Variants in AKR1C3 observed in about 807,000 individuals in gnomAD.
AKR1C3 encodes the protein 3-alpha hydroxysteroid dehydrogenase, type II.
Under a neutral mutation model 43.6 loss-of-function variants are expected in AKR1C3, and 48 were observed. The observed-to-expected ratio is 1.10, with a 90% CI of 0.87 to 1.40. The LOEUF (loss-of-function observed/expected upper bound fraction) is 1.40, where lower values mean the gene tolerates loss of function less well. Ranked by LOEUF, AKR1C3 falls within the 40% of genes most tolerant of loss-of-function variation. AKR1C3 has a pLI of 0.00. For synonymous variants in AKR1C3, 162 were observed against 139.6 expected, an observed-to-expected ratio of 1.16 and a Z score of -1.13; for missense variants, 482 against 391.2, an observed-to-expected ratio of 1.23 and a Z score of -1.96.
Position 5,099,432 on chromosome 10 carries a change from A to C in AKR1C3, c.553A>C (p.Lys185Gln). The C allele has an allele frequency of 6.2e-7, 1 of 1,614,176 alleles. No individual in the cohort carries two copies. The highest frequency in any genetic ancestry group is 8.5e-7 in the Non-Finnish European group (1 of 1,180,030). Residue 185 changes from lysine to glutamine, a missense_variant, in exon 5 of 9, where the codon AAG becomes CAG. Transcript: ENST00000380554. ...MILNKPGLKY[K>Q]PVCNQVECHP... ...CCTCAACAAGCCAGGACTCAAGTAC[A>C]AGCCTGTCTGCAACCAGGTGAGCTC...
chr10:5,092,005 C>A (rs1393205665), upstream of AKR1C3, among the ~76,000 whole-genome samples: 7 of 151,992 alleles, frequency 4.6e-5, no homozygotes. Context: ...ACTCTTGCAG[C>A]TTTTATCTCA....
intron 1 of AKR1C3, among the ~76,000 whole-genome samples, chr10:5,079,403 G>T (rs1838782277): frequency 6.6e-6 from 1 of 152,190 alleles, no homozygotes; most frequent in South Asian, 2.1e-4. Flanking sequence ...GCCCTGAAAA[G>T]CTTTCTTCTC....
intron 1 of AKR1C3, among the ~76,000 whole-genome samples, chr10:5,088,573 T>C (rs11252931): frequency 0.3 from 45,642 of 151,448 alleles, 7,482 homozygotes; most frequent in Non-Finnish European, 0.36. Flanking sequence ...TATAATATAA[T>C]GCTCTTCTCT....
intron 1 of AKR1C3, among the ~76,000 whole-genome samples, chr10:5,054,697 C>G (rs1319184181): frequency 6.6e-6 from 1 of 152,026 alleles, no homozygotes; most frequent in Non-Finnish European, 1.5e-5. Flanking sequence ...TTCTCTCTGA[C>G]TCCTTCTCTT....
intron 7 of AKR1C3, among the ~76,000 whole-genome samples, chr10:5,103,184 G>A (rs1466717486): frequency 2.6e-5 from 4 of 152,076 alleles, no homozygotes; most frequent in Admixed American, 6.6e-5. Flanking sequence ...CACCGCTCCT[G>A]GCCTCCTCTT....
At chr10:5,096,331 G>T (rs1221927053) in intron 1 of AKR1C3, 79 bp from the exon 2 acceptor site, 2 of 1,512,716 alleles carry the variant, frequency 1.3e-6, no homozygotes, top group Non-Finnish European at 1.8e-6. Flanking sequence ...GCTGATTCTT[G>T]TATAAAAGTC....
At chr10:5,083,404 A>G (rs143024295) in intron 1 of AKR1C3, among the ~76,000 whole-genome samples, 2,786 of 152,254 alleles carry the variant, frequency 0.018, 83 homozygotes, top group African/African-American at 0.063. Flanking sequence ...AAAGGGCATG[A>G]ACTCATCATT....
chr10:5,053,145 G>A lies in AKR1C3; in HGVS notation c.84+4250G>A, dbSNP rs540397778. Among the ~76,000 whole-genome samples, 344 of 152,336 alleles carry A rather than the reference G, an allele frequency of 2.3e-3. 3 individuals carry two copies. Among genetic ancestry groups the A allele is most frequent in the African/African-American group, 7.9e-3 (330 of 41,574 alleles). On this transcript the variant is annotated intron_variant, in intron 1 of 8. Coordinates refer to the AKR1C3 transcript ENST00000439082. ...CCTGCCAGTCCCGTGCCATGCGCCC[G>A]CACTCCTCAGCACTTGGGTGGTTGA... is the stretch of plus-strand genomic sequence containing the variant.
At chr10:5,104,523 TCTAA>T (rs1394749222) in intron 7 of AKR1C3, among the ~76,000 whole-genome samples, 10 of 139,816 alleles carry the variant, frequency 7.2e-5, no homozygotes, top group Admixed American at 2.1e-4. Flanking sequence ...CAACTTTTTT[TCTAA>T]CTCTTTATTT....
upstream of AKR1C3, among the ~76,000 whole-genome samples, chr10:5,092,319 A>C (rs1937847): frequency 0.87 from 132,416 of 151,924 alleles, 57,960 homozygotes; most frequent in African/African-American, 0.96. Context: ...TATTTAGATT[A>C]ATGTCTGTTG....
At chr10:5,085,032 A>G (rs1554782854) in intron 1 of AKR1C3, among the ~76,000 whole-genome samples, 1 of 152,182 alleles carries the variant, frequency 6.6e-6, no homozygotes, top group African/African-American at 2.4e-5. Flanking sequence ...AACAGGGACA[A>G]TTTGACTTCT....
chr10:5,104,674 C>T (rs1839454240), intron 7 of AKR1C3, among the ~76,000 whole-genome samples: 1 of 152,106 alleles, frequency 6.6e-6, no homozygotes, highest in Admixed American at 6.5e-5. Flanking sequence ...GTGAAGAGAA[C>T]TTTTTGACAA....
Position 5,099,318 on chromosome 10 carries a change from T to A in AKR1C3, c.448-9T>A. 1 of 1,614,066 alleles carries A rather than the reference T, an allele frequency of 6.2e-7. No homozygotes were observed. Among genetic ancestry groups the A allele is most frequent in the Non-Finnish European group, 8.5e-7 (1 of 1,180,002 alleles). ...CACAAATAATTCCTCACAACCCCTTTCTCCACAGGCCATGGAGAAGTGTAA... is the reference window on the plus strand; with the variant it reads ...CACAAATAATTCCTCACAACCCCTTACTCCACAGGCCATGGAGAAGTGTAA... On this transcript the variant is annotated splice_polypyrimidine_tract_variant and intron_variant, in intron 4 of 8. Coordinates refer to ENST00000380554, the MANE Select transcript of AKR1C3 (RefSeq NM_003739.6).
At chr10:5,091,929 A>G (rs1180278930), upstream of AKR1C3, among the ~76,000 whole-genome samples, 3 of 152,102 alleles carry the variant, frequency 2.0e-5, no homozygotes, top group African/African-American at 7.2e-5. Flanking sequence ...ACTGTCTAAA[A>G]TGCTTTTATT....
upstream of AKR1C3, among the ~76,000 whole-genome samples, chr10:5,092,704 G>T (rs1839121418): frequency 6.6e-6 from 1 of 151,730 alleles, no homozygotes; most frequent in Non-Finnish European, 1.5e-5. Flanking sequence ...CCAATTTCCT[G>T]TAGTTCTATT....
intron 1 of AKR1C3, among the ~76,000 whole-genome samples, chr10:5,084,398 A>G (rs1207621684): frequency 1.2e-4 from 18 of 151,044 alleles, no homozygotes; most frequent in Admixed American, 5.9e-4. Flanking sequence ...GATATGCGGC[A>G]TTATTTCTGA....
chr10:5,056,185 G>A (rs1229777606), intron 1 of AKR1C3, among the ~76,000 whole-genome samples: 3 of 152,166 alleles, frequency 2.0e-5, no homozygotes, highest in Non-Finnish European at 2.9e-5. Context: ...TCTTGGGCCA[G>A]TGCCTGACCA....
intron 1 of AKR1C3, among the ~76,000 whole-genome samples, chr10:5,078,147 G>T (rs1838754116): frequency 6.6e-6 from 1 of 152,216 alleles, no homozygotes; most frequent in Non-Finnish European, 1.5e-5. Context: ...TAATAAGTCA[G>T]GTGCGGTGGC....
At chr10:5,093,464 T>A (rs921382371), upstream of AKR1C3, 1 of 152,126 alleles carries the variant, frequency 6.6e-6, no homozygotes, top group South Asian at 2.1e-4. Context: ...ATGTTGATAA[T>A]GTATTGTGCA....
Sources: allele counts gnomAD v4.1 joint callset (sites outside exome capture counted in the v4.1 genomes callset), GRCh38; gene constraint gnomAD v4.1.1; transcripts MANE v1.5; gene names NCBI Gene and HGNC (gene_info 2026-07-23, HGNC 2026-07-21).